The following PCLAF variants were observed in gnomAD, a reference collection of about 807,000 sequenced individuals.
PCLAF encodes the protein PCNA clamp associated factor.
A neutral mutation model predicts 15.1 loss-of-function variants in PCLAF; 12 were observed. The ratio of observed to expected loss-of-function variants is 0.79; its 90% CI spans 0.51 to 1.29. The LOEUF (loss-of-function observed/expected upper bound fraction) is 1.29. PCLAF is among the 50% of genes most tolerant of loss of function. The probability of loss-of-function intolerance (pLI) is 0.00; values close to 1 mark genes in which losing one functional copy is unlikely to be tolerated. For missense variants in PCLAF, 116 were observed against 130.9 expected (o/e 0.89, Z 0.56); for synonymous variants, 33 against 47.1 (o/e 0.70, Z 1.22).
Position 64,376,774 on chromosome 15 carries a change from C to T in PCLAF, c.259G>A (p.Gly87Arg), listed in dbSNP as rs1356831416. 2 of 1,613,548 alleles carry T rather than the reference C, an allele frequency of 1.2e-6. No homozygotes were observed. Among genetic ancestry groups the T allele is most frequent in the African/African-American group, 2.7e-5 (2 of 74,906 alleles). ...EKENQIPEEAGSSGLGKAKRK... is the reference protein window; with the variant it reads ...EKENQIPEEARSSGLGKAKRK... ...TTTGCTTTTCCTAAGCCACTGCTTC[C>T]TGCCTCTTCAGGAATCTGATTCTCT... Residue 87 changes from glycine (G) to arginine (R), a missense_variant, in exon 3 of 4, where the codon GGA becomes AGA. By Grantham distance (125) the Gly-to-Arg change is moderately radical. Transcript: ENST00000300035.
chr15:64,380,339 C>T (rs1037187641), intron 2 of PCLAF, among the ~76,000 whole-genome samples: 1 of 151,984 alleles, frequency 6.6e-6, no homozygotes, highest in East Asian at 1.9e-4. Context: ...ACCAAGATCA[C>T]ACCGTTGCAC....
chr15:64,374,493 T>C (rs1050900423), intron 3 of PCLAF, among the ~76,000 whole-genome samples: 1 of 151,178 alleles, frequency 6.6e-6, no homozygotes, highest in Non-Finnish European at 1.5e-5. Context: ...GAGCCGAGAT[T>C]GCACCACTGC....
upstream of PCLAF, among the ~76,000 whole-genome samples, chr15:64,386,177 A>G (rs1374292679): frequency 1.3e-5 from 2 of 152,118 alleles, no homozygotes; most frequent in Non-Finnish European, 2.9e-5. Context: ...TTTTACAAAG[A>G]AACAAAACTT....
chr15:64,387,123 A>AGG (rs1899959743), intron 1 of PCLAF, among the ~76,000 whole-genome samples: 1 of 152,154 alleles, frequency 6.6e-6, no homozygotes, highest in African/African-American at 2.4e-5. Context: ...AAAATAAAAT[A>AGG]GAAGTTTTAG....
At chr15:64,370,561 G>T (rs1355853373) in intron 3 of PCLAF, among the ~76,000 whole-genome samples, 3 of 151,780 alleles carry the variant, frequency 2.0e-5, no homozygotes, top group Non-Finnish European at 4.4e-5. Context: ...AGAGACGGGG[G>T]TTTCGCCGTG....
At chr15:64,371,284 G>A (rs1310612636) in intron 3 of PCLAF, among the ~76,000 whole-genome samples, 3 of 149,588 alleles carry the variant, frequency 2.0e-5, no homozygotes, top group Admixed American at 6.7e-5. Flanking sequence ...TTTTTGAGAC[G>A]AAGTCTCACT....
intron 3 of PCLAF, among the ~76,000 whole-genome samples, chr15:64,371,248 G>A (rs1392006828): frequency 3.3e-5 from 5 of 149,760 alleles, no homozygotes; most frequent in African/African-American, 4.9e-5. Flanking sequence ...GATTACAGGC[G>A]TGAGCCACTG....
At chr15:64,379,486 AAAAAAAG>A (rs1374575595) in intron 2 of PCLAF, among the ~76,000 whole-genome samples, 1 of 152,030 alleles carries the variant, frequency 6.6e-6, no homozygotes, top group African/African-American at 2.4e-5. Flanking sequence ...GTCTCAAAAA[AAAAAAAG>A]AAAAAAGAAA....
chr15:64,385,062 G>T (rs752060306), upstream of PCLAF, among the ~76,000 whole-genome samples: 9 of 151,452 alleles, frequency 5.9e-5, no homozygotes, highest in South Asian at 6.3e-4. Context: ...TAATTTTTAG[G>T]TTTTTTTTGT....
At chr15:64,376,937 G>A (rs765048646) in intron 2 of PCLAF, 32 bp from the exon 3 acceptor site, 1 of 1,570,376 alleles carries the variant, frequency 6.4e-7, no homozygotes, top group Non-Finnish European at 8.7e-7. Context: ...AACTAGATAA[G>A]TGCTAATAAT....
At chr15:64,378,962 T>A (rs1445692180) in intron 2 of PCLAF, among the ~76,000 whole-genome samples, 1 of 152,036 alleles carries the variant, frequency 6.6e-6, no homozygotes, top group Admixed American at 6.6e-5. Context: ...CTCCACTGAT[T>A]TAGTTGTGTG....
intron 3 of PCLAF, chr15:64,373,696 A>T: frequency 6.5e-7 from 1 of 1,535,154 alleles, no homozygotes; most frequent in Non-Finnish European, 8.7e-7. Context: ...CCATCCCCTT[A>T]CCCATTTGGA....
chr15:64,370,763 T>C (rs1014278505), intron 3 of PCLAF, among the ~76,000 whole-genome samples: 1 of 150,886 alleles, frequency 6.6e-6, no homozygotes, highest in Non-Finnish European at 1.5e-5. Context: ...AGGCCCAGGC[T>C]CTATCTAAAA....
At chr15:64,373,757 G>T (rs1353103775) in intron 3 of PCLAF, 1 of 1,535,806 alleles carries the variant, frequency 6.5e-7, no homozygotes, top group East Asian at 2.4e-5. Flanking sequence ...AGGATGGGTG[G>T]CTCCTGGCTG....
rs766025406 is a variant in PCLAF, at chr15:64,365,977, CTAGAATA to C, written c.*46_*52del. The C allele has an allele frequency of 2.2e-6, 3 of 1,393,702 alleles. No individual in the cohort carries two copies. The highest frequency in any genetic ancestry group is 3.0e-6 in the Non-Finnish European group (3 of 985,998). 86.3% of individuals were successfully genotyped at this position (1,393,702 alleles called of 1,614,324 possible). On this transcript the variant is annotated 3_prime_UTR_variant, in exon 4 of 4. Transcript: ENST00000300035. ...AAACACATTTATGTAAATTTACATT[CTAGAATA>C]CCAGGGTAAACAAGGAGACGTTATT...
rs1026875770 is a variant in PCLAF, at chr15:64,365,741, T to C, written c.*289A>G. ...TAAGCAAATCTCAAATACAACATACTTGTAATTAGAACACAATGCAATGAC... is the reference window on the plus strand; with the variant it reads ...TAAGCAAATCTCAAATACAACATACCTGTAATTAGAACACAATGCAATGAC... On this transcript the variant is annotated 3_prime_UTR_variant, in exon 4 of 4. Coordinates refer to ENST00000300035, the MANE Select transcript of PCLAF (RefSeq NM_014736.6). 3.9e-5 allele frequency: 14 copies of C among 356,664 alleles called. No homozygotes were observed. The highest frequency in any genetic ancestry group is 3.0e-4 in the African/African-American group (14 of 46,086). The allele number at this position is 356,664 out of a possible 1,614,324, so 22.1% of individuals were successfully genotyped here.
chr15:64,369,414 T>A (rs1382978418), intron 3 of PCLAF, among the ~76,000 whole-genome samples: 1 of 145,308 alleles, frequency 6.9e-6, no homozygotes, highest in Non-Finnish European at 1.5e-5. Context: ...AAAAAGGGTA[T>A]CCCTTTGGTT....
rs1256393570 is a variant in PCLAF at position 64,364,413 on chromosome 15, G to A, written c.*1617C>T. The A allele has an allele frequency of 2.6e-5, 4 of 152,088 alleles. No homozygotes were observed. The highest frequency in any genetic ancestry group is 5.9e-5 in the Non-Finnish European group (4 of 68,022). The allele number at this position is 152,088 out of a possible 1,614,324, so 9.4% of individuals were successfully genotyped here. Reference sequence around the variant, plus strand: ...CAGGCTGCTGCAAAAAGGGTGATGAGGAATATTATACCCACTTCTTCAATT... The same window carrying A: ...CAGGCTGCTGCAAAAAGGGTGATGAAGAATATTATACCCACTTCTTCAATT... On this transcript the variant is annotated 3_prime_UTR_variant, in exon 4 of 4. Coordinates refer to ENST00000300035, the MANE Select transcript of PCLAF (RefSeq NM_014736.6).
intron 3 of PCLAF, among the ~76,000 whole-genome samples, chr15:64,367,770 G>T (rs1407778280): frequency 6.6e-6 from 1 of 151,528 alleles, no homozygotes; most frequent in Admixed American, 6.6e-5. Context: ...GGATGGTCTT[G>T]GTCTCTTAAC....
Sources: allele counts gnomAD v4.1 joint callset (sites outside exome capture counted in the v4.1 genomes callset), GRCh38; gene constraint gnomAD v4.1.1; transcripts MANE v1.5; gene names NCBI Gene and HGNC (gene_info 2026-07-23, HGNC 2026-07-21).